Variants in CSMD2 observed in about 807,000 individuals in gnomAD.
CSMD2 encodes the protein CUB and sushi domain-containing protein 2.
A neutral mutation model predicts 398.5 loss-of-function variants in CSMD2; 130 were observed. The observed-to-expected ratio is 0.33, with a 90% CI of 0.28 to 0.38. The LOEUF (loss-of-function observed/expected upper bound fraction) is 0.38. Ranked by LOEUF, CSMD2 falls within the 10% of genes least tolerant of loss-of-function variation. The pLI, the probability that CSMD2 is intolerant of heterozygous loss-of-function variation, is 1.00. For synonymous variants in CSMD2, 1,828 were observed against 1,908.5 expected, an observed-to-expected ratio of 0.96 and a Z score of 1.10; for missense variants, 3,829 against 4,764.9, an observed-to-expected ratio of 0.80 and a Z score of 5.78.
intron 25 of CSMD2, among the ~76,000 whole-genome samples, chr1:33,685,162 C>T (rs1315270404): frequency 6.6e-6 from 1 of 152,172 alleles, no homozygotes; most frequent in Non-Finnish European, 1.5e-5. Flanking sequence ...GACATAATGT[C>T]TGGAGCTGCG....
chr1:34,165,139 C>T lies in CSMD2; in HGVS notation c.-42G>A. On this transcript the variant is annotated 5_prime_UTR_variant, in exon 1 of 71. Coordinates refer to ENST00000373381, the MANE Select transcript of CSMD2 (RefSeq NM_001281956.2). Reference sequence around the variant, plus strand: ...CCGAGGGAGAGGCTCCGCTCGCCGCCGAGGAGAAAGGAGGTCAGGAGAGCT... The same window carrying T: ...CCGAGGGAGAGGCTCCGCTCGCCGCTGAGGAGAAAGGAGGTCAGGAGAGCT... 8.3e-7 allele frequency: 1 copy of T among 1,210,098 alleles called. No homozygotes were observed. Among genetic ancestry groups the T allele is most frequent in the Non-Finnish European group, 1.0e-6 (1 of 973,776 alleles). 75.0% of individuals were successfully genotyped at this position (1,210,098 alleles called of 1,614,324 possible).
chr1:33,697,932 G>A (rs1041759300), intron 24 of CSMD2, among the ~76,000 whole-genome samples: 1 of 152,216 alleles, frequency 6.6e-6, no homozygotes, highest in African/African-American at 2.4e-5. Flanking sequence ...TGGAGGTTTT[G>A]TTCTTACAAG....
intron 65 of CSMD2, among the ~76,000 whole-genome samples, chr1:33,525,483 T>C (rs999707183): frequency 1.3e-5 from 2 of 152,130 alleles, no homozygotes; most frequent in Non-Finnish European, 2.9e-5. Flanking sequence ...CTCACTTATA[T>C]ATGGAATCTA....
chr1:33,624,136 C>T lies in CSMD2; in HGVS notation c.5625+383G>A, dbSNP rs759938959. 6.6e-6 allele frequency among the ~76,000 whole-genome samples: 1 copy of T among 152,190 alleles called. No homozygotes were observed. Among genetic ancestry groups the T allele is most frequent in the Non-Finnish European group, 1.5e-5 (1 of 68,036 alleles). ...CTAACCCTCACAATCTTAAGAAAAT[C>T]TTTAGCCATTTGAGGAACAACTTCT... On this transcript the variant is annotated intron_variant, in intron 35 of 70. Coordinates refer to ENST00000373381, the MANE Select transcript of CSMD2 (RefSeq NM_001281956.2). The surrounding 1 kb of genome is among the most constrained non-coding windows in gnomAD (Gnocchi z 4.7).
intron 13 of CSMD2, among the ~76,000 whole-genome samples, chr1:33,764,601 G>C (rs114568761): frequency 6.6e-6 from 1 of 152,206 alleles, no homozygotes; most frequent in Non-Finnish European, 1.5e-5. Flanking sequence ...AACCTTGAAA[G>C]AAGTCTAGAG....
At position 33,599,946 on chromosome 1, in the gene CSMD2, A is replaced by C; in HGVS notation, c.6856+919T>G. On this transcript the variant is annotated intron_variant, in intron 44 of 70. Coordinates refer to ENST00000373381, the MANE Select transcript of CSMD2 (RefSeq NM_001281956.2). ...GAGCAGATACTGTAGCAGATACTGC[A>C]GCAGATACTGCGGAGGCTGGGTTCT... The C allele has an allele frequency of 6.8e-6, 4 of 592,066 alleles. No individual in the cohort carries two copies. In the South Asian group the frequency reaches 8.8e-5, roughly 13 times the overall value. 36.7% of individuals were successfully genotyped at this position (592,066 alleles called of 1,614,324 possible). A position where few individuals can be genotyped will look rare whatever the true frequency, so the allele number is the denominator to read the frequency against.
chr1:33,647,063 C>T (rs997267411), intron 28 of CSMD2, among the ~76,000 whole-genome samples: 16 of 152,104 alleles, frequency 1.1e-4, no homozygotes, highest in African/African-American at 3.4e-4. Context: ...GAGTCAGATT[C>T]CAGTCAGTGT....
chr1:34,050,044 A>T (rs530469742), intron 2 of CSMD2, among the ~76,000 whole-genome samples: 1 of 152,222 alleles, frequency 6.6e-6, no homozygotes, highest in Non-Finnish European at 1.5e-5. Flanking sequence ...GAATCAGGCC[A>T]TTCTGGCACC....
intron 1 of CSMD2, among the ~76,000 whole-genome samples, chr1:34,111,725 C>T (rs907957099): frequency 6.6e-6 from 1 of 152,168 alleles, no homozygotes; most frequent in African/African-American, 2.4e-5. Context: ...TCTCTGACTC[C>T]TGAGACTGAG....
intron 64 of CSMD2, 88 bp from the exon 65 acceptor site, chr1:33,527,346 G>A (rs1654867607): frequency 4.8e-6 from 5 of 1,047,064 alleles, no homozygotes; most frequent in South Asian, 1.5e-5. Flanking sequence ...CTGACCTTAG[G>A]TCAATGGGTT....
At chr1:33,594,702 T>A (rs1367892326) in intron 44 of CSMD2, among the ~76,000 whole-genome samples, 1 of 152,184 alleles carries the variant, frequency 6.6e-6, no homozygotes, top group African/African-American at 2.4e-5. Flanking sequence ...TTCTCCCTAT[T>A]TGGGTTGAGA....
chr1:33,971,294 G>A (rs894420501), intron 3 of CSMD2, among the ~76,000 whole-genome samples: 3 of 152,184 alleles, frequency 2.0e-5, no homozygotes, highest in Admixed American at 1.3e-4. Flanking sequence ...CCCTGAGGCC[G>A]GCAAAAGTGT....
At chr1:33,557,347 AG>A (rs1419836652) in intron 55 of CSMD2, among the ~76,000 whole-genome samples, 2 of 152,090 alleles carry the variant, frequency 1.3e-5, no homozygotes, top group African/African-American at 4.8e-5. Context: ...AGTCCTTTAA[AG>A]GGAAGGGGTT....
intron 22 of CSMD2, among the ~76,000 whole-genome samples, chr1:33,707,614 T>C (rs925173435): frequency 2.0e-5 from 3 of 151,996 alleles, no homozygotes; most frequent in Non-Finnish European, 4.4e-5. Context: ...ATCTCATGAG[T>C]GAATCTTCTT....
chr1:33,624,747 C>G lies in CSMD2; in HGVS notation c.5501-104G>C, dbSNP rs2148883130. 6.9e-7 allele frequency: 1 copy of G among 1,443,776 alleles called. No individual in the cohort carries two copies. Among genetic ancestry groups the G allele is most frequent in the East Asian group, 2.4e-5 (1 of 41,940 alleles). The allele number at this position is 1,443,776 out of a possible 1,614,324, so 89.4% of individuals were successfully genotyped here. ...CCCCAGCCTCTGTTTGTCCTCCTCC[C>G]CATGGGGGTGTCTCCCTAATGTCCC... On this transcript the variant is annotated intron_variant, in intron 34 of 70. Transcript: ENST00000373381. This position sits in a 1 kb window ranked among gnomAD's most constrained non-coding sequence, Gnocchi z 4.7.
chr1:33,957,661 G>A (rs12057400), intron 3 of CSMD2, among the ~76,000 whole-genome samples: 75 of 152,256 alleles, frequency 4.9e-4, no homozygotes, highest in Middle Eastern at 6.8e-3. Context: ...GACATGAGAA[G>A]GTCTAGGAAG....
chr1:33,607,587 G>A (rs1443629771), intron 41 of CSMD2, among the ~76,000 whole-genome samples: 1 of 152,248 alleles, frequency 6.6e-6, no homozygotes, highest in East Asian at 1.9e-4. Context: ...TGAGGCCTCT[G>A]TGGGAATACT....
At chr1:33,942,460 G>A (rs911379234) in intron 3 of CSMD2, among the ~76,000 whole-genome samples, 5 of 152,268 alleles carry the variant, frequency 3.3e-5, no homozygotes, top group Non-Finnish European at 7.3e-5. Context: ...CAGGGCATCA[G>A]ATGGAGGATG....
intron 29 of CSMD2, among the ~76,000 whole-genome samples, chr1:33,638,105 CATTT>C (rs1174401661): frequency 9.2e-5 from 14 of 152,174 alleles, no homozygotes; most frequent in Non-Finnish European, 4.4e-5. Context: ...TGCACTACTG[CATTT>C]AAACCCAAGT....
Sources: allele counts gnomAD v4.1 joint callset (sites outside exome capture counted in the v4.1 genomes callset), GRCh38; gene constraint gnomAD v4.1.1; non-coding constraint Gnocchi (gnomAD v3.1); transcripts MANE v1.5; gene names NCBI Gene and HGNC (gene_info 2026-07-23, HGNC 2026-07-21).